Variants in TMEM123 observed in about 807,000 individuals in gnomAD.
The protein encoded by TMEM123 is transmembrane protein 123, also known as porimin.
TMEM123 carries 16 observed loss-of-function variants against 19.7 expected under a neutral mutation model. The ratio of observed to expected loss-of-function variants is 0.81; its 90% confidence interval spans 0.55 to 1.23. The LOEUF is 1.23. Among genes scored for constraint, TMEM123 ranks in the 50% most tolerant of loss-of-function variants. The probability of loss-of-function intolerance (pLI) is 0.00; values close to 1 mark genes in which losing one functional copy is unlikely to be tolerated. For missense variants in TMEM123, 313 were observed against 257.8 expected (o/e 1.21, Z -1.47); for synonymous variants, 118 against 99.4 (o/e 1.19, Z -1.12).
chr11:102,420,349 T>C (rs1267439406), intron 2 of TMEM123, among the ~76,000 whole-genome samples: 1 of 152,248 alleles, frequency 6.6e-6, no homozygotes, highest in Non-Finnish European at 1.5e-5. Context: ...GGCATAGATC[T>C]GACCTGGAAT....
chr11:102,433,298 G>T (rs1490528741), intron 2 of TMEM123, among the ~76,000 whole-genome samples: 1 of 152,004 alleles, frequency 6.6e-6, no homozygotes, highest in Non-Finnish European at 1.5e-5. Context: ...CAAGGACATG[G>T]GAGCCCACCT....
At chr11:102,400,605 T>C (rs1951904136) in intron 4 of TMEM123, among the ~76,000 whole-genome samples, 1 of 152,224 alleles carries the variant, frequency 6.6e-6, no homozygotes, top group African/African-American at 2.4e-5. Flanking sequence ...TATGAGTATG[T>C]TGAAACCCTA....
intron 2 of TMEM123, among the ~76,000 whole-genome samples, chr11:102,446,806 T>C (rs1414290635): frequency 6.6e-6 from 1 of 152,210 alleles, no homozygotes; most frequent in Non-Finnish European, 1.5e-5. Flanking sequence ...CAGTCTCCGC[T>C]TTTTCCAACA....
rs1461180595 is a variant in TMEM123, at chr11:102,401,543, T to C, written c.598A>G (p.Thr200Ala). 2 of 1,576,916 alleles carry C rather than the reference T, an allele frequency of 1.3e-6. No homozygotes were observed. The highest frequency in any genetic ancestry group is 2.1e-5 in the Admixed American group (1 of 47,508). The change falls in exon 4 of 5, where the codon ACC (threonine) becomes GCC (alanine). Residue 200 changes from threonine to alanine, a missense_variant. Transcript: ENST00000398136. ...TCCTGGCCATTCAAAACTTACATGG[T>C]TCGATACCGAATGCCTCTTCTTGAG... ...YYSRRGIRYR[T>A]IDEHDAII is the part of the protein sequence containing the mutation.
intron 2 of TMEM123, among the ~76,000 whole-genome samples, chr11:102,405,205 C>A (rs1194408554): frequency 6.6e-6 from 1 of 151,616 alleles, no homozygotes; most frequent in Non-Finnish European, 1.5e-5. Context: ...CCCACCACCA[C>A]GCCTGGCTAA....
chr11:102,401,674 G>C lies in TMEM123; in HGVS notation c.467C>G (p.Ser156Cys). The change falls in exon 4 of 5, where the codon TCT becomes TGT. Residue 156 changes from serine (S) to cysteine (C), a missense_variant. By Grantham distance (112) the Ser-to-Cys change is moderately radical. Transcript: ENST00000398136. ...AAATTTTGATCCTTTCTTTGCTTCAGAATGCATAGTTGTTGTGACTAGAAC... is the reference window on the plus strand; with the variant it reads ...AAATTTTGATCCTTTCTTTGCTTCACAATGCATAGTTGTTGTGACTAGAAC... ...SSVTITTTMHSEAKKGSKFDT... is the reference protein window; with the variant it reads ...SSVTITTTMHCEAKKGSKFDT... 6.2e-7 allele frequency: 1 copy of C among 1,600,430 alleles called. No homozygotes were observed. Among genetic ancestry groups the C allele is most frequent in the South Asian group, 1.1e-5 (1 of 87,948 alleles).
chr11:102,430,353 T>C lies in TMEM123; in HGVS notation c.157+18459A>G, dbSNP rs141598814. Among the ~76,000 whole-genome samples, 973 of 152,270 alleles carry C rather than the reference T, an allele frequency of 6.4e-3. 16 individuals carry two copies. The highest frequency in any genetic ancestry group is 0.022 in the African/African-American group (920 of 41,542). On this transcript the variant is annotated intron_variant, in intron 2 of 4. Transcript: ENST00000398136. ...GCTGGGAAGGTGGTGGTGAGTAAAA[T>C]CAGCCTTCCCCCTGAAGGAGCTGAC...
intron 2 of TMEM123, among the ~76,000 whole-genome samples, chr11:102,418,659 G>A (rs1952060284): frequency 6.6e-6 from 1 of 152,162 alleles, no homozygotes; most frequent in Admixed American, 6.5e-5. Flanking sequence ...TCCCATTACT[G>A]GGTATATACC....
intron 2 of TMEM123, among the ~76,000 whole-genome samples, chr11:102,442,174 A>AGAGG (rs1183121478): frequency 1.3e-5 from 2 of 152,222 alleles, no homozygotes; most frequent in Non-Finnish European, 2.9e-5. Context: ...CAACAGAAAA[A>AGAGG]GAGGGAATCC....
At chr11:102,445,624 A>G (rs1857877253) in intron 2 of TMEM123, among the ~76,000 whole-genome samples, 1 of 152,210 alleles carries the variant, frequency 6.6e-6, no homozygotes, top group African/African-American at 2.4e-5. Context: ...CATTGTTGCA[A>G]TCGGGGGTAA....
chr11:102,423,191 A>T (rs1227422034), intron 2 of TMEM123, among the ~76,000 whole-genome samples: 1 of 152,254 alleles, frequency 6.6e-6, no homozygotes, highest in Non-Finnish European at 1.5e-5. Context: ...ATGCAAATGA[A>T]TGAGATACAG....
intron 2 of TMEM123, among the ~76,000 whole-genome samples, chr11:102,403,051 C>T (rs1398954053): frequency 6.6e-6 from 1 of 152,160 alleles, no homozygotes; most frequent in Non-Finnish European, 1.5e-5. Context: ...CACTCTGTCA[C>T]CCAGGCTGAA....
chr11:102,442,276 A>G (rs1234667624), intron 2 of TMEM123, among the ~76,000 whole-genome samples: 4 of 152,222 alleles, frequency 2.6e-5, no homozygotes, highest in African/African-American at 9.6e-5. Context: ...TCCCTGATGA[A>G]TATCGATGCA....
In TMEM123 at chr11:102,452,528, C is replaced by G; in HGVS notation, c.96G>C (p.Met32Ile). 6.5e-7 allele frequency: 1 copy of G among 1,550,108 alleles called. No homozygotes were observed. The highest frequency in any genetic ancestry group is 1.7e-4 in the Middle Eastern group (1 of 5,914). ...LLGAAHESAA[M>I]AASANIENSG... ...ACGACCCCCGCAGCCACTTACCCGCCATGGCTGCGCTTTCATGGGCGGCCC... is the reference window on the plus strand; with the variant it reads ...ACGACCCCCGCAGCCACTTACCCGCGATGGCTGCGCTTTCATGGGCGGCCC... The change falls in exon 1 of 5, where the codon ATG becomes ATC. Residue 32 changes from methionine (M) to isoleucine (I), a missense_variant. Coordinates refer to ENST00000398136, the MANE Select transcript of TMEM123 (RefSeq NM_052932.3).
At chr11:102,439,874 G>A (rs1445222480) in intron 2 of TMEM123, among the ~76,000 whole-genome samples, 4 of 152,250 alleles carry the variant, frequency 2.6e-5, no homozygotes, top group African/African-American at 7.2e-5. Flanking sequence ...TGATGGAGCT[G>A]AAAACCATGG....
Position 102,452,714 on chromosome 11 carries a change from C to T in TMEM123, c.-91G>A. On this transcript the variant is annotated 5_prime_UTR_variant, in exon 1 of 5. Coordinates refer to ENST00000398136, the MANE Select transcript of TMEM123 (RefSeq NM_052932.3). The stretch of plus-strand genomic sequence containing the variant: ...TCCTCTGCGCAGCCGGCGCCGGCTC[C>T]GCTTCCCCTTCGGCCGCGCACGTTT... 1 of 1,034,438 alleles carries T rather than the reference C, an allele frequency of 9.7e-7. No homozygotes were observed. Among genetic ancestry groups the T allele is most frequent in the South Asian group, 2.5e-5 (1 of 40,520 alleles). The allele number at this position is 1,034,438 out of a possible 1,614,324, so 64.1% of individuals were successfully genotyped here. A position where few individuals can be genotyped will look rare whatever the true frequency, so the allele number is the denominator to read the frequency against.
chr11:102,401,431 A>T, intron 4 of TMEM123, 108 bp downstream of exon 4: 1 of 1,061,174 alleles, frequency 9.4e-7, no homozygotes, highest in Non-Finnish European at 1.3e-6. Flanking sequence ...TAACTCATAA[A>T]TCTATCAATT....
At position 102,417,708 on chromosome 11, in the gene TMEM123, A is replaced by G. The variant is rs1952053056; in HGVS notation, c.158-15502T>C. ...AAGCAATCCTAAGCAAAAAGAACAA[A>G]GCTAGAGTCATCATGCTACCTGACT... is the stretch of plus-strand genomic sequence containing the variant. On this transcript the variant is annotated intron_variant, in intron 2 of 4. Transcript: ENST00000398136. Among the ~76,000 whole-genome samples the G allele has an allele frequency of 4.6e-5, 7 of 152,304 alleles. No individual in the cohort carries two copies. The South Asian group carries it at 1.4e-3, about 32-fold the overall frequency.
chr11:102,439,241 G>T (rs774979856), intron 2 of TMEM123, among the ~76,000 whole-genome samples: 4 of 152,098 alleles, frequency 2.6e-5, no homozygotes, highest in Admixed American at 6.5e-5. Flanking sequence ...TTTGAAGAGA[G>T]CAGTGGTTCT....
Sources: allele counts gnomAD v4.1 joint callset (sites outside exome capture counted in the v4.1 genomes callset), GRCh38; gene constraint gnomAD v4.1.1; transcripts MANE v1.5; gene names NCBI Gene and HGNC (gene_info 2026-07-23, HGNC 2026-07-21).